Variants in WASF2 observed in about 807,000 individuals in gnomAD.
The protein encoded by WASF2 is WASP family member 2, also known as actin-binding protein WASF2.
Under a neutral mutation model 45.0 loss-of-function variants are expected in WASF2, and 14 were observed. That is an observed-to-expected ratio of 0.31 (90% CI 0.21 to 0.49). The LOEUF (loss-of-function observed/expected upper bound fraction) is 0.49, where lower values mean the gene tolerates loss of function less well. Ranked by LOEUF, WASF2 falls within the 20% of genes least tolerant of loss-of-function variation. The pLI, the probability that WASF2 is intolerant of heterozygous loss-of-function variation, is 0.99. For missense variants in WASF2, 439 were observed against 636.1 expected (o/e 0.69, Z 3.33); for synonymous variants, 200 against 236.3 (o/e 0.85, Z 1.41).
At chr1:27,488,675 A>T (rs986664733) in intron 1 of WASF2, among the ~76,000 whole-genome samples, 3 of 152,168 alleles carry the variant, frequency 2.0e-5, no homozygotes, top group Non-Finnish European at 4.4e-5. Context: ...CTTATAATTA[A>T]CCTTCCAGAG....
chr1:27,473,252 G>C (rs1410956572), intron 1 of WASF2, among the ~76,000 whole-genome samples: 2 of 151,724 alleles, frequency 1.3e-5, no homozygotes, highest in Non-Finnish European at 2.9e-5. Flanking sequence ...AGGCCGAGGC[G>C]GGCGGATCAC....
At chr1:27,416,643 C>T (rs1356811537) in intron 4 of WASF2, among the ~76,000 whole-genome samples, 1 of 152,250 alleles carries the variant, frequency 6.6e-6, no homozygotes, top group East Asian at 1.9e-4. Context: ...AAACCAACCA[C>T]AGCACTCCAC....
chr1:27,471,332 G>GA (rs1273705674), intron 1 of WASF2, among the ~76,000 whole-genome samples: 8 of 131,700 alleles, frequency 6.1e-5, no homozygotes, highest in African/African-American at 2.4e-4. Flanking sequence ...GCGACAGAGC[G>GA]AGACTCTGTC....
intron 1 of WASF2, among the ~76,000 whole-genome samples, chr1:27,453,398 C>A (rs908141290): frequency 6.6e-6 from 1 of 150,396 alleles, no homozygotes; most frequent in African/African-American, 2.5e-5. Context: ...TTGAGACCAG[C>A]CTGGGCAAAA....
rs1206351562 is a variant in WASF2 at position 27,472,650 on chromosome 1, C to CAA, written c.-44+17334_-44+17335dup. Among the ~76,000 whole-genome samples, 111 of 59,108 alleles carry CAA rather than the reference C, an allele frequency of 1.9e-3. 1 individual carries two copies. The highest frequency in any genetic ancestry group is 4.1e-3 in the African/African-American group (65 of 15,672). 38.8% of individuals were successfully genotyped at this position (59,108 alleles called of 152,430 possible). Reference sequence around the variant, plus strand: ...GGGTGACACAGTGAAACCCCGTCTCCAAAAAAAAAAAAAAAAAAAAAAAAG... The same window carrying CAA: ...GGGTGACACAGTGAAACCCCGTCTCCAAAAAAAAAAAAAAAAAAAAAAAAAAG... On this transcript the variant is annotated intron_variant, in intron 1 of 8. Coordinates refer to ENST00000618852, the MANE Select transcript of WASF2 (RefSeq NM_006990.5).
At chr1:27,415,353 A>G (rs2016813205) in intron 5 of WASF2, among the ~76,000 whole-genome samples, 1 of 152,232 alleles carries the variant, frequency 6.6e-6, no homozygotes, top group South Asian at 2.1e-4. Context: ...CATATAAGGA[A>G]ATAGTTTAAA....
chr1:27,461,657 G>T (rs1397389556), intron 1 of WASF2, among the ~76,000 whole-genome samples: 1 of 150,674 alleles, frequency 6.6e-6, no homozygotes, highest in Non-Finnish European at 1.5e-5. Flanking sequence ...CTTATTTTTC[G>T]TAGAGTCGGG....
intron 1 of WASF2, among the ~76,000 whole-genome samples, chr1:27,472,470 C>CA (rs945889446): frequency 6.6e-5 from 10 of 151,094 alleles, no homozygotes; most frequent in African/African-American, 2.4e-4. Flanking sequence ...CCCATCTCTA[C>CA]AAAAAATACA....
At chr1:27,458,475 T>C (rs1158354223) in intron 1 of WASF2, among the ~76,000 whole-genome samples, 1 of 152,064 alleles carries the variant, frequency 6.6e-6, no homozygotes, top group Non-Finnish European at 1.5e-5. Context: ...ATTTGTAGTT[T>C]TCCTCAAAAA....
rs1180605564 is a variant in WASF2, at chr1:27,461,731, C to A, written c.-44+28255G>T. 2.0e-5 allele frequency among the ~76,000 whole-genome samples: 3 copies of A among 152,148 alleles called. No individual in the cohort carries two copies. In the East Asian group the frequency reaches 5.8e-4, roughly 29 times the overall value. ...CCTCGTAATCCACCCGCCTCGGCCT[C>A]CCAAAGTGCTGGGATTACAGGCGTG... is the stretch of plus-strand genomic sequence containing the variant. On this transcript the variant is annotated intron_variant, in intron 1 of 8. Coordinates refer to ENST00000618852, the MANE Select transcript of WASF2 (RefSeq NM_006990.5).
At chr1:27,445,791 G>A (rs1226279270) in intron 1 of WASF2, among the ~76,000 whole-genome samples, 1 of 150,558 alleles carries the variant, frequency 6.6e-6, no homozygotes, top group Non-Finnish European at 1.5e-5. Context: ...CCTGAGAATC[G>A]CTTTAAGTTT....
In WASF2 at chr1:27,405,599, C is replaced by CTTTTTTTTTTTTTTTTTTTT. The variant is rs769753375; in HGVS notation, c.*2570_*2589dup. Reference sequence around the variant, plus strand: ...TAAAGGGCTCTGGGTCTAAAGAAGCCTTTTTTTTTTTTTTTTTTTTTTTTT... The same window carrying CTTTTTTTTTTTTTTTTTTTT: ...TAAAGGGCTCTGGGTCTAAAGAAGCCTTTTTTTTTTTTTTTTTTTTTTTTTTTTTTTTTTTTTTTTTTTTT... On this transcript the variant is annotated 3_prime_UTR_variant, in exon 9 of 9. Transcript: ENST00000618852. 1 of 56,646 alleles carries CTTTTTTTTTTTTTTTTTTTT rather than the reference C, an allele frequency of 1.8e-5. No homozygotes were observed. Among genetic ancestry groups the CTTTTTTTTTTTTTTTTTTTT allele is most frequent in the Non-Finnish European group, 3.3e-5 (1 of 29,868 alleles). The allele number at this position is 56,646 out of a possible 1,614,324, so 3.5% of individuals were successfully genotyped here. A position where few individuals can be genotyped will look rare whatever the true frequency, so the allele number is the denominator to read the frequency against.
chr1:27,438,881 C>A (rs1403834957), intron 1 of WASF2, among the ~76,000 whole-genome samples: 2 of 152,210 alleles, frequency 1.3e-5, no homozygotes, highest in Admixed American at 1.3e-4. Context: ...GGCCAAGCCA[C>A]CAGCAACTGA....
At chr1:27,458,588 A>G (rs182720868) in intron 1 of WASF2, among the ~76,000 whole-genome samples, 320 of 152,134 alleles carry the variant, frequency 2.1e-3, no homozygotes, top group Admixed American at 4.3e-3. Flanking sequence ...TGAGGCCAGG[A>G]GTTTGAGACC....
chr1:27,469,311 A>G (rs983257369), intron 1 of WASF2, among the ~76,000 whole-genome samples: 2 of 152,192 alleles, frequency 1.3e-5, no homozygotes, highest in Non-Finnish European at 2.9e-5. Context: ...CCCTCTCCAC[A>G]TCTGTATATG....
At position 27,419,007 on chromosome 1, in the gene WASF2, C is replaced by G; in HGVS notation, c.212G>C (p.Arg71Thr). The G allele has an allele frequency of 1.2e-6, 2 of 1,614,028 alleles. No homozygotes were observed. Among genetic ancestry groups the G allele is most frequent in the Non-Finnish European group, 1.7e-6 (2 of 1,179,986 alleles). ...GACTTTAACCTGTAGTCGGTCGACC[C>G]TCTCAGCAAGGGAGCTTACCCGAGA... ...FASRVSSLAE[R>T]VDRLQVKVTQ... The change falls in exon 3 of 9, where the codon AGG (arginine) becomes ACG (threonine). Residue 71 changes from arginine to threonine, a missense_variant. By Grantham distance (71) the Arg-to-Thr change is moderately conservative. This residue lies in a region of WASF2 where 98 missense variants were observed against 120.7 expected (regional missense o/e 0.81). Transcript: ENST00000618852.
chr1:27,458,817 T>C (rs1259719797), intron 1 of WASF2, among the ~76,000 whole-genome samples: 1 of 151,348 alleles, frequency 6.6e-6, no homozygotes, highest in Admixed American at 6.6e-5. Context: ...ATTAAAAAAT[T>C]TTTTTTAAAA....
At chr1:27,419,187 C>T in intron 2 of WASF2, 99 bp from the exon 3 acceptor site, 13 of 1,324,734 alleles carry the variant, frequency 9.8e-6, no homozygotes, top group Non-Finnish European at 1.4e-5. Flanking sequence ...CCCCCAAACA[C>T]ATACATATAC....
chr1:27,448,667 A>G (rs1003439194), intron 1 of WASF2, among the ~76,000 whole-genome samples: 6 of 151,970 alleles, frequency 3.9e-5, no homozygotes, highest in Non-Finnish European at 7.4e-5. Flanking sequence ...CTTGGCCAAC[A>G]TGGTGAAATC....
Sources: allele counts gnomAD v4.1 joint callset (sites outside exome capture counted in the v4.1 genomes callset), GRCh38; gene constraint gnomAD v4.1.1; regional missense constraint gnomAD v4.1.1; transcripts MANE v1.5; gene names NCBI Gene and HGNC (gene_info 2026-07-23, HGNC 2026-07-21).